The following CNOT2 variants were observed in gnomAD, a reference collection of about 807,000 sequenced individuals.
CNOT2 encodes the protein CCR4-NOT transcription complex subunit 2.
Under a neutral mutation model 72.1 loss-of-function variants are expected in CNOT2, and 7 were observed. The ratio of observed to expected loss-of-function variants is 0.10; its 90% CI spans 0.06 to 0.18. CNOT2 has a LOEUF of 0.18. Among genes scored for constraint, CNOT2 ranks in the 10% least tolerant of loss-of-function variants. CNOT2 has a pLI of 1.00. For synonymous variants in CNOT2, 196 were observed against 225.6 expected (o/e 0.87, Z 1.17); for missense variants, 345 against 660.3 (o/e 0.52, Z 5.23).
chr12:70,256,494 C>G (rs1231548761), intron 1 of CNOT2, among the ~76,000 whole-genome samples: 1 of 147,916 alleles, frequency 6.8e-6, no homozygotes, highest in Non-Finnish European at 1.5e-5. Context: ...TTACAGCATA[C>G]CAAGGAAGTA....
intron 1 of CNOT2, among the ~76,000 whole-genome samples, chr12:70,272,441 C>T (rs1283179497): frequency 6.6e-6 from 1 of 152,072 alleles, no homozygotes; most frequent in Admixed American, 6.6e-5. Flanking sequence ...TATAAAGGCC[C>T]TAAATTGAGA....
At chr12:70,275,682 A>G (rs918066594) in intron 1 of CNOT2, among the ~76,000 whole-genome samples, 2 of 152,016 alleles carry the variant, frequency 1.3e-5, no homozygotes, top group African/African-American at 4.8e-5. Context: ...TCTTTTCTGA[A>G]TTCTTGAATA....
intron 3 of CNOT2, among the ~76,000 whole-genome samples, chr12:70,318,682 G>A (rs1325918992): frequency 2.0e-5 from 3 of 151,828 alleles, no homozygotes; most frequent in South Asian, 4.1e-4. Context: ...TTCCCCACTA[G>A]ATTGTAAGCC....
At chr12:70,285,601 T>C (rs1870749410) in intron 2 of CNOT2, 1 of 151,912 alleles carries the variant, frequency 6.6e-6, no homozygotes, top group East Asian at 1.9e-4. Flanking sequence ...GTTTTTTGTT[T>C]TTTTTTTTAA....
At chr12:70,326,825 A>G (rs1879149942) in intron 4 of CNOT2, among the ~76,000 whole-genome samples, 2 of 151,888 alleles carry the variant, frequency 1.3e-5, no homozygotes, top group South Asian at 4.1e-4. Flanking sequence ...TTTTGAATTT[A>G]TTAGCTGTTT....
chr12:70,338,315 G>A, intron 9 of CNOT2, 128 bp from the exon 10 acceptor site: 1 of 764,214 alleles, frequency 1.3e-6, no homozygotes, highest in Admixed American at 3.2e-5. Flanking sequence ...TATAGAACTT[G>A]AAAAACAGGT....
intron 8 of CNOT2, 124 bp from the exon 9 acceptor site, chr12:70,337,265 G>A (rs1303507427): frequency 7.6e-6 from 5 of 654,192 alleles, no homozygotes; most frequent in East Asian, 2.9e-5. Flanking sequence ...TTTGAAGTAC[G>A]CTTTCATAGC....
At chr12:70,348,343 A>C (rs1294673710) in intron 15 of CNOT2, among the ~76,000 whole-genome samples, 1 of 152,170 alleles carries the variant, frequency 6.6e-6, no homozygotes, top group Non-Finnish European at 1.5e-5. Context: ...TACCTCCATC[A>C]TTTATGATTT....
At chr12:70,348,590 T>C (rs1882492652) in intron 15 of CNOT2, among the ~76,000 whole-genome samples, 1 of 152,174 alleles carries the variant, frequency 6.6e-6, no homozygotes, top group Non-Finnish European at 1.5e-5. Flanking sequence ...ATTCCAAACT[T>C]ACATATGTAA....
intron 4 of CNOT2, among the ~76,000 whole-genome samples, chr12:70,319,720 CTGTG>C (rs35176886): frequency 6.7e-6 from 1 of 149,544 alleles, no homozygotes; most frequent in Non-Finnish European, 1.5e-5. Context: ...ACTGGCTACT[CTGTG>C]TGTGTGTGTG....
chr12:70,309,010 C>A (rs1181387931), intron 2 of CNOT2, among the ~76,000 whole-genome samples: 2 of 152,096 alleles, frequency 1.3e-5, no homozygotes, highest in Admixed American at 6.6e-5. Context: ...AAAAAACAAA[C>A]TTCTAAAATC....
Position 70,330,435 on chromosome 12 carries a change from C to G in CNOT2, c.535C>G (p.Gln179Glu). Residue 179 changes from glutamine to glutamate, a missense_variant, in exon 6 of 16, where the codon CAG (glutamine) becomes GAG (glutamate). Coordinates refer to ENST00000229195, the MANE Select transcript of CNOT2 (RefSeq NM_014515.7). ...GCCAAGCATAATATGTATGCCAAAG[C>G]AGCAGCCTTCTCGACAGCCTTTTAC... ...SSPSIICMPK[Q>E]QPSRQPFTVN... 6.2e-7 allele frequency: 1 copy of G among 1,612,460 alleles called. No homozygotes were observed. The highest frequency in any genetic ancestry group is 1.1e-5 in the South Asian group (1 of 91,002).
chr12:70,285,821 T>A (rs968785914), intron 2 of CNOT2, among the ~76,000 whole-genome samples: 2 of 152,062 alleles, frequency 1.3e-5, no homozygotes, highest in African/African-American at 4.8e-5. Context: ...GCACCCAATG[T>A]AGTCAACAGG....
chr12:70,327,272 A>G (rs1879232613), intron 4 of CNOT2, among the ~76,000 whole-genome samples: 1 of 148,542 alleles, frequency 6.7e-6, no homozygotes, highest in Admixed American at 6.6e-5. Context: ...ATGAGAGAGA[A>G]AGAAAATGGA....
chr12:70,343,003 G>A (rs549380833), intron 13 of CNOT2, among the ~76,000 whole-genome samples: 1 of 152,236 alleles, frequency 6.6e-6, no homozygotes, highest in Admixed American at 6.5e-5. Flanking sequence ...TCAAGTGGAT[G>A]TTGATGTGGA....
intron 4 of CNOT2, among the ~76,000 whole-genome samples, chr12:70,325,100 G>T (rs1178231220): frequency 6.6e-6 from 1 of 151,782 alleles, no homozygotes; most frequent in Non-Finnish European, 1.5e-5. Context: ...TATATCTCTA[G>T]AACAAGAGAA....
At chr12:70,352,572 A>G (rs890402346) in intron 15 of CNOT2, among the ~76,000 whole-genome samples, 1 of 152,206 alleles carries the variant, frequency 6.6e-6, no homozygotes, top group Admixed American at 6.5e-5. Flanking sequence ...ATAAGGTAAA[A>G]TATGTTAACC....
chr12:70,336,702 T>C (rs1387439802), intron 8 of CNOT2: 4 of 152,040 alleles, frequency 2.6e-5, no homozygotes, highest in Non-Finnish European at 4.4e-5. Context: ...CAGTTCAGAC[T>C]CTAATGTTTT....
chr12:70,271,228 G>A (rs1280849722), intron 1 of CNOT2, among the ~76,000 whole-genome samples: 1 of 151,682 alleles, frequency 6.6e-6, no homozygotes, highest in Non-Finnish European at 1.5e-5. Context: ...GGGGAAAGAG[G>A]GTCTGTTTTT....
Sources: gnomAD v4.1 joint callset for allele counts (sites outside exome capture counted in the v4.1 genomes callset) on GRCh38, gnomAD v4.1.1 for gene constraint, MANE v1.5 for transcripts, NCBI Gene and HGNC (gene_info 2026-07-23, HGNC 2026-07-21) for gene names.